The following GLIS3 variants were observed in gnomAD, a reference collection of about 807,000 sequenced individuals.
GLIS3 encodes the protein GLIS family zinc finger 3.
GLIS3 carries 53 observed loss-of-function variants against 78.6 expected under a neutral mutation model. The observed-to-expected ratio is 0.67, with a 90% CI of 0.54 to 0.85. The LOEUF (loss-of-function observed/expected upper bound fraction) is 0.85. Ranked by LOEUF, GLIS3 falls within the 40% of genes least tolerant of loss-of-function variation. The pLI is 0.00. For synonymous variants in GLIS3, 684 were observed against 509.9 expected (o/e 1.34, Z -4.60); for missense variants, 1,703 against 1,231.1 (o/e 1.38, Z -5.74).
At chr9:4,316,465 C>T (rs1817438001) in intron 2 of GLIS3, among the ~76,000 whole-genome samples, 1 of 152,212 alleles carries the variant, frequency 6.6e-6, no homozygotes, top group East Asian at 1.9e-4. Context: ...CATTCAACAT[C>T]ATTTTGTGAT....
the GLIS3 span, among the ~76,000 whole-genome samples, chr9:4,370,073 T>C: frequency 6.7e-6 from 1 of 148,284 alleles, no homozygotes; most frequent in East Asian, 2.0e-4. Context: ...ATGCCTGTTA[T>C]CCCAGCTACT....
chr9:4,187,754 A>G (rs2131202093), intron 2 of GLIS3, among the ~76,000 whole-genome samples: 1 of 152,212 alleles, frequency 6.6e-6, no homozygotes, highest in East Asian at 1.9e-4. Flanking sequence ...TTCTCTTTGA[A>G]GCAACTGTGA....
At chr9:4,025,681 T>C (rs920547667) in intron 4 of GLIS3, among the ~76,000 whole-genome samples, 1 of 152,190 alleles carries the variant, frequency 6.6e-6, no homozygotes, top group Admixed American at 6.5e-5. Flanking sequence ...CCACTGTGCC[T>C]GGCCTGGCCC....
intron 6 of GLIS3, among the ~76,000 whole-genome samples, chr9:3,928,729 G>T (rs1825418355): frequency 6.6e-6 from 1 of 152,126 alleles, no homozygotes; most frequent in Admixed American, 6.6e-5. Flanking sequence ...TGCTATGCTT[G>T]GTTTATAACA....
intron 4 of GLIS3, among the ~76,000 whole-genome samples, chr9:4,105,307 G>A (rs1409554298): frequency 1.3e-5 from 2 of 152,122 alleles, no homozygotes; most frequent in Non-Finnish European, 1.5e-5. Context: ...TCTAATCTTG[G>A]CTAAGTGAGA....
At chr9:4,340,077 C>T (rs543544441) in intron 2 of GLIS3, among the ~76,000 whole-genome samples, 5 of 151,682 alleles carry the variant, frequency 3.3e-5, no homozygotes, top group Admixed American at 2.0e-4. Context: ...TCACCATGTC[C>T]TCACGGCTTG....
At chr9:4,038,345 T>G (rs1021539002) in intron 4 of GLIS3, among the ~76,000 whole-genome samples, 1 of 152,198 alleles carries the variant, frequency 6.6e-6, no homozygotes, top group Non-Finnish European at 1.5e-5. Flanking sequence ...AACCTCTAAT[T>G]ACATGAGTCA....
intron 2 of GLIS3, among the ~76,000 whole-genome samples, chr9:4,267,220 GT>G (rs1290039676): frequency 6.6e-6 from 1 of 152,092 alleles, no homozygotes; most frequent in Non-Finnish European, 1.5e-5. Flanking sequence ...AAGTGGGAGT[GT>G]TTTTACTAGA....
At chr9:4,246,112 C>T (rs1334218882) in intron 2 of GLIS3, among the ~76,000 whole-genome samples, 2 of 152,140 alleles carry the variant, frequency 1.3e-5, no homozygotes, top group African/African-American at 4.8e-5. Flanking sequence ...CACGGTGGCT[C>T]ATGCCTGTAA....
intron 2 of GLIS3, among the ~76,000 whole-genome samples, chr9:4,148,239 G>A (rs1366063730): frequency 6.6e-6 from 1 of 152,018 alleles, no homozygotes; most frequent in South Asian, 2.1e-4. Context: ...TTCTAGATGA[G>A]ATCTGGCTAC....
At chr9:4,090,684 C>A (rs551336244) in intron 4 of GLIS3, among the ~76,000 whole-genome samples, 1 of 152,210 alleles carries the variant, frequency 6.6e-6, no homozygotes, top group African/African-American at 2.4e-5. Context: ...GTGGCCACGG[C>A]ATCCAGTGTT....
rs1588317855 is a variant in GLIS3, at chr9:3,959,632, G to A, written c.1711-22443C>T. Among the ~76,000 whole-genome samples, 4 of 152,174 alleles carry A rather than the reference G, an allele frequency of 2.6e-5. No individual in the cohort carries two copies. The East Asian group carries it at 5.8e-4, about 22-fold the overall frequency. On this transcript the variant is annotated intron_variant, in intron 4 of 10. Transcript: ENST00000381971. Reference sequence around the variant, plus strand: ...AGCTACTCTTCCTAAAACGCATAAAGCCCTTCCCACCTCAGGGCCTTTCAC... The same window carrying A: ...AGCTACTCTTCCTAAAACGCATAAAACCCTTCCCACCTCAGGGCCTTTCAC...
intron 4 of GLIS3, among the ~76,000 whole-genome samples, chr9:4,073,916 C>T (rs1588608426): frequency 6.6e-6 from 1 of 152,102 alleles, no homozygotes; most frequent in Non-Finnish European, 1.5e-5. Flanking sequence ...TACACAAAGT[C>T]CTGCTTACAA....
chr9:4,368,720 C>T, the GLIS3 span, among the ~76,000 whole-genome samples: 2 of 152,270 alleles, frequency 1.3e-5, no homozygotes, highest in Non-Finnish European at 2.9e-5. Context: ...GAAGCCACTT[C>T]GTGCCTCTGA....
intron 6 of GLIS3, among the ~76,000 whole-genome samples, chr9:3,920,243 T>C (rs912903878): frequency 1.4e-4 from 22 of 152,258 alleles, no homozygotes; most frequent in Non-Finnish European, 3.1e-4. Flanking sequence ...GACCTCGTGA[T>C]CCACCCGCCT....
intron 5 of GLIS3, among the ~76,000 whole-genome samples, chr9:3,933,227 G>A (rs1044385751): frequency 2.6e-5 from 4 of 151,944 alleles, no homozygotes; most frequent in Non-Finnish European, 5.9e-5. Context: ...CCAGGCTGGA[G>A]TGCAGTGGCG....
At chr9:4,350,244 C>G (rs371458214), upstream of GLIS3, among the ~76,000 whole-genome samples, 12 of 152,316 alleles carry the variant, frequency 7.9e-5, no homozygotes, top group African/African-American at 2.9e-4. Context: ...GGCACCTATT[C>G]ACCAGCACCT....
At chr9:4,433,516 C>G in the GLIS3 span, among the ~76,000 whole-genome samples, 2 of 152,214 alleles carry the variant, frequency 1.3e-5, no homozygotes, top group African/African-American at 4.8e-5. Context: ...TTATAGCCAA[C>G]TACTAAAATT....
intron 7 of GLIS3, among the ~76,000 whole-genome samples, chr9:3,889,627 T>C (rs1156774749): frequency 6.6e-6 from 1 of 152,226 alleles, no homozygotes; most frequent in Non-Finnish European, 1.5e-5. Flanking sequence ...TTTCACTCAG[T>C]CATTTTGATG....
Sources: allele counts gnomAD v4.1 joint callset (sites outside exome capture counted in the v4.1 genomes callset), GRCh38; gene constraint gnomAD v4.1.1; transcripts MANE v1.5; gene names NCBI Gene and HGNC (gene_info 2026-07-23, HGNC 2026-07-21).